The following NDE1 variants were observed in gnomAD, a reference collection of about 807,000 sequenced individuals.
The protein encoded by NDE1 is nudE neurodevelopment protein 1.
In NDE1, 28 loss-of-function variants were observed where a neutral mutation model predicts 43.4. That is an observed-to-expected ratio of 0.65 (90% CI 0.48 to 0.89). The LOEUF (loss-of-function observed/expected upper bound fraction) is 0.89. Among genes scored for constraint, NDE1 ranks in the 40% least tolerant of loss-of-function variants. The probability of loss-of-function intolerance (pLI) is 0.00; values close to 1 mark genes in which losing one functional copy is unlikely to be tolerated. For missense variants in NDE1, 441 were observed against 434.1 expected, an observed-to-expected ratio of 1.02 and a Z score of -0.14; for synonymous variants, 184 against 172.0, an observed-to-expected ratio of 1.07 and a Z score of -0.55.
At chr16:15,713,676 G>A (rs1000508948) in intron 8 of NDE1, 2 of 152,236 alleles carry the variant, frequency 1.3e-5, no homozygotes, top group Admixed American at 6.5e-5. Context: ...TTGTTTGTTT[G>A]TTGTAGAGAT....
At chr16:15,668,343 G>C (rs966337476) in intron 3 of NDE1, among the ~76,000 whole-genome samples, 2 of 152,216 alleles carry the variant, frequency 1.3e-5, no homozygotes, top group Admixed American at 6.5e-5. Context: ...GCAACAGAGC[G>C]AGACTCCGTC....
At chr16:15,668,342 C>T (rs978269160) in intron 3 of NDE1, among the ~76,000 whole-genome samples, 3 of 152,148 alleles carry the variant, frequency 2.0e-5, no homozygotes, top group Non-Finnish European at 4.4e-5. Context: ...GGCAACAGAG[C>T]GAGACTCCGT....
chr16:15,675,508 C>T lies in NDE1; in HGVS notation c.238-2293C>T, dbSNP rs111987021. Among the ~76,000 whole-genome samples, 971 of 150,944 alleles carry T rather than the reference C, an allele frequency of 6.4e-3. 13 individuals carry two copies. Among genetic ancestry groups the T allele is most frequent in the African/African-American group, 0.023 (933 of 41,050 alleles). On this transcript the variant is annotated intron_variant, in intron 3 of 8. Coordinates refer to ENST00000396354, the MANE Select transcript of NDE1 (RefSeq NM_017668.3). ...CGGGAGTGCAGCGGCGTGATCATAG[C>T]TCACTGCAGCCTCAACCTCCTGGTC...
chr16:15,694,435 T>A, intron 7 of NDE1, 179 bp downstream of exon 7: 3 of 1,462,740 alleles, frequency 2.1e-6, no homozygotes, highest in Non-Finnish European at 2.8e-6. Flanking sequence ...AGCCTCAAAA[T>A]CCTGGGTTCA....
chr16:15,719,501 TCTGGGAATGCACAGAC>T (rs1831319878), intron 8 of NDE1: 1 of 1,600,504 alleles, frequency 6.2e-7, no homozygotes, highest in East Asian at 2.2e-5. Context: ...CGAAATGAAA[TCTGGGAATGCACAGAC>T]TGGAGCTGCC....
At chr16:15,701,859 C>G (rs1276377074) in intron 8 of NDE1, 2 of 152,164 alleles carry the variant, frequency 1.3e-5, no homozygotes, top group African/African-American at 2.4e-5. Flanking sequence ...TAACCTGTAT[C>G]CACAGAAGAT....
intron 8 of NDE1, chr16:15,718,256 G>T: frequency 6.2e-7 from 1 of 1,603,172 alleles, no homozygotes; most frequent in Non-Finnish European, 8.5e-7. Flanking sequence ...GACTGGTGCA[G>T]GATCCTGCTG....
chr16:15,720,105 C>A (rs776516386), intron 8 of NDE1: 2 of 1,613,448 alleles, frequency 1.2e-6, no homozygotes, highest in Admixed American at 3.3e-5. Context: ...CTGAGGGGAA[C>A]TGTGCCCTCC....
chr16:15,719,171 T>TCCC (rs771797012), intron 8 of NDE1: 1 of 1,530,774 alleles, frequency 6.5e-7, no homozygotes, highest in South Asian at 1.1e-5. Flanking sequence ...ATGCTGCCTG[T>TCCC]CCCCCCATCC....
intron 8 of NDE1, among the ~76,000 whole-genome samples, chr16:15,702,683 G>C (rs925758268): frequency 6.6e-6 from 1 of 152,150 alleles, no homozygotes; most frequent in African/African-American, 2.4e-5. Context: ...TGGGATTCCA[G>C]GTGTGAGCCA....
chr16:15,674,544 C>A (rs528370367), intron 3 of NDE1, among the ~76,000 whole-genome samples: 1 of 152,084 alleles, frequency 6.6e-6, no homozygotes, highest in Non-Finnish European at 1.5e-5. Flanking sequence ...TCACTGCTCC[C>A]GGCCTGTCTT....
intron 4 of NDE1, among the ~76,000 whole-genome samples, chr16:15,685,351 C>G (rs1401714096): frequency 1.3e-5 from 2 of 151,828 alleles, no homozygotes; most frequent in African/African-American, 4.8e-5. Flanking sequence ...AATTCCTGGG[C>G]TCAAGCAGTC....
chr16:15,679,863 C>T (rs1567641513), intron 4 of NDE1, among the ~76,000 whole-genome samples: 1 of 152,146 alleles, frequency 6.6e-6, no homozygotes, highest in African/African-American at 2.4e-5. Flanking sequence ...ACTGCAACTT[C>T]CACCTCCCAG....
chr16:15,699,956 C>G (rs1397272560), intron 8 of NDE1: 45 of 1,211,214 alleles, frequency 3.7e-5, no homozygotes, highest in Non-Finnish European at 4.6e-5. Flanking sequence ...GCTTTGCGGC[C>G]CAAGCCAATG....
At position 15,691,190 on chromosome 16, in the gene NDE1, G is replaced by GA. The variant is rs1414773217; in HGVS notation, c.571dup (p.Thr191AsnfsTer10). The GA allele has an allele frequency of 1.2e-6, 2 of 1,614,146 alleles. No individual in the cohort carries two copies. ...TGCAGCAGAAGCAGGAGAAACCCAGGACCCCCATGCCCAGCTCAGTGGAAG... is the reference window on the plus strand; with the variant it reads ...TGCAGCAGAAGCAGGAGAAACCCAGGAACCCCCATGCCCAGCTCAGTGGAAG... On this transcript the variant is annotated frameshift_variant, in exon 6 of 9. Transcript: ENST00000396354. LOFTEE classifies it high-confidence loss of function.
chr16:15,721,190 G>C, intron 8 of NDE1: 2 of 1,025,652 alleles, frequency 1.9e-6, no homozygotes, highest in South Asian at 2.8e-5. Flanking sequence ...GACTCAAGAT[G>C]ACCCCTGAGA....
At chr16:15,673,706 A>C (rs2037718564) in intron 3 of NDE1, among the ~76,000 whole-genome samples, 1 of 151,606 alleles carries the variant, frequency 6.6e-6, no homozygotes, top group Non-Finnish European at 1.5e-5. Context: ...CTGTTCTTAA[A>C]TTTTCTGTAG....
chr16:15,701,545 A>G (rs2039221317), intron 8 of NDE1: 1 of 152,174 alleles, frequency 6.6e-6, no homozygotes, highest in African/African-American at 2.4e-5. Context: ...CATCAAGTAA[A>G]ATTAAAGCAC....
At position 15,724,639 on chromosome 16, in the gene NDE1, G is replaced by T. The variant is rs1341251401; in HGVS notation, c.*388G>T. The T allele has an allele frequency of 6.2e-7, 1 of 1,613,762 alleles. No individual in the cohort carries two copies. Among genetic ancestry groups the T allele is most frequent in the Non-Finnish European group, 8.5e-7 (1 of 1,180,032 alleles). On this transcript the variant is annotated 3_prime_UTR_variant, in exon 9 of 9. Coordinates refer to ENST00000396354, the MANE Select transcript of NDE1 (RefSeq NM_017668.3). ...CCCATGAAGGAAGCAAGGACACGGG[G>T]CAGGCACCTGGATGTTGAGAGTGGA...
Sources: allele counts gnomAD v4.1 joint callset (sites outside exome capture counted in the v4.1 genomes callset), GRCh38; gene constraint gnomAD v4.1.1; transcripts MANE v1.5; gene names NCBI Gene and HGNC (gene_info 2026-07-23, HGNC 2026-07-21).